The following POLR2F variants were observed in gnomAD, a reference collection of about 807,000 sequenced individuals.
The protein encoded by POLR2F is DNA-directed RNA polymerases I, II, and III subunit RPABC2.
In POLR2F, 12 loss-of-function variants were observed where a neutral mutation model predicts 22.7. That is an observed-to-expected ratio of 0.53 (90% CI 0.34 to 0.86). The LOEUF (loss-of-function observed/expected upper bound fraction) is 0.86, where lower values mean the gene tolerates loss of function less well. Ranked by LOEUF, POLR2F falls within the 40% of genes least tolerant of loss-of-function variation. The pLI, the probability that POLR2F is intolerant of heterozygous loss-of-function variation, is 0.02. For synonymous variants in POLR2F, 57 were observed against 66.0 expected (o/e 0.86, Z 0.66); for missense variants, 126 against 171.5 (o/e 0.73, Z 1.48).
At chr22:37,971,401 A>T, downstream of POLR2F, 1 of 437,036 alleles carries the variant, frequency 2.3e-6, no homozygotes, top group South Asian at 1.7e-5. Context: ...ATAAGCTGTT[A>T]TGAGCTGGGT....
chr22:37,977,433 G>T (rs923579119), intron 4 of POLR2F, among the ~76,000 whole-genome samples: 1 of 151,542 alleles, frequency 6.6e-6, no homozygotes, highest in Non-Finnish European at 1.5e-5. Flanking sequence ...CCATCCTCCT[G>T]CCTCAGCCTC....
intron 1 of POLR2F, among the ~76,000 whole-genome samples, chr22:38,022,834 G>A (rs1164047329): frequency 3.3e-5 from 5 of 151,990 alleles, no homozygotes; most frequent in African/African-American, 7.3e-5. Context: ...CCAACATAGC[G>A]AAACCCTGTC....
chr22:38,041,166 T>A, downstream of POLR2F: 1 of 1,609,886 alleles, frequency 6.2e-7, no homozygotes. Context: ...TGGTGACTAG[T>A]GCTGGTGGTG....
chr22:37,959,423 C>T lies in POLR2F; in HGVS notation c.168C>T (p.Tyr56=). 1 of 1,614,170 alleles carries T rather than the reference C, an allele frequency of 6.2e-7. No homozygotes were observed. Among genetic ancestry groups the T allele is most frequent in the Non-Finnish European group, 8.5e-7 (1 of 1,180,008 alleles). ...ACCAGAAGCGAATCACCACACCATA[C>T]ATGACCAAGTACGAGCGAGCCCGCG... The part of the protein sequence containing the change: ...QANQKRITTP[Y]MTKYERARVL... Residue 56 remains tyrosine (Y), a synonymous_variant, in exon 3 of 5, where the codon TAC becomes TAT. Coordinates refer to ENST00000442738, the MANE Select transcript of POLR2F (RefSeq NM_021974.5).
downstream of POLR2F, chr22:37,971,446 T>A (rs868501232): frequency 5.1e-6 from 2 of 390,238 alleles, no homozygotes; most frequent in Middle Eastern, 7.5e-4. Flanking sequence ...GAGTTGTTCA[T>A]CAGTGGAGCA....
At chr22:37,973,387 C>G (rs1484013731), downstream of POLR2F, 2 of 748,962 alleles carry the variant, frequency 2.7e-6, no homozygotes, top group Non-Finnish European at 4.2e-6. Flanking sequence ...GCCTCTTCAG[C>G]CTCCTCAGCC....
In POLR2F at chr22:37,978,778, C is replaced by T. The variant is rs961701146; in HGVS notation, c.293+11608C>T. Among the ~76,000 whole-genome samples the T allele has an allele frequency of 1.1e-3, 164 of 151,918 alleles. 3 individuals are homozygous for T. Among genetic ancestry groups the T allele is most frequent in the Non-Finnish European group, 3.5e-4 (24 of 67,980 alleles). Reference sequence around the variant, plus strand: ...CCTTGAGGAAGAGGTGCTTTTCTTTCTTTCTTTTTTTTTTCTGTGAGGGAA... The same window carrying T: ...CCTTGAGGAAGAGGTGCTTTTCTTTTTTTCTTTTTTTTTTCTGTGAGGGAA... On this transcript the variant is annotated intron_variant, in intron 4 of 4. Coordinates refer to the POLR2F transcript ENST00000405557. This position sits in a 1 kb window ranked among gnomAD's most constrained non-coding sequence, Gnocchi z 5.0.
intron 1 of POLR2F, among the ~76,000 whole-genome samples, chr22:38,013,275 A>G (rs1029570583): frequency 3.9e-5 from 6 of 152,106 alleles, no homozygotes; most frequent in Non-Finnish European, 5.9e-5. Flanking sequence ...CTTCCTGAGT[A>G]GCTGGGATTA....
chr22:37,965,843 G>A (rs1931832400), intron 3 of POLR2F, among the ~76,000 whole-genome samples: 1 of 152,186 alleles, frequency 6.6e-6, no homozygotes, highest in African/African-American at 2.4e-5. Flanking sequence ...CCAGGAACCT[G>A]TATTTTTTAG....
In POLR2F at chr22:37,978,494, G is replaced by C. The variant is rs1014137124; in HGVS notation, c.293+11324G>C. 6.6e-6 allele frequency among the ~76,000 whole-genome samples: 1 copy of C among 152,228 alleles called. No individual in the cohort carries two copies. Among genetic ancestry groups the C allele is most frequent in the Non-Finnish European group, 1.5e-5 (1 of 68,038 alleles). On this transcript the variant is annotated intron_variant, in intron 4 of 4. Transcript: ENST00000405557. The surrounding 1 kb of genome is among the most constrained non-coding windows in gnomAD (Gnocchi z 5.0). ...GAAAAACTTTCTCATCATCAAAGCT[G>C]TCTGCAAGTGGAATTGGCTACTTCA...
upstream of POLR2F, among the ~76,000 whole-genome samples, chr22:37,985,477 TTCTC>T (rs1027429549): frequency 6.6e-6 from 1 of 152,122 alleles, no homozygotes; most frequent in East Asian, 1.9e-4. Flanking sequence ...TGACACCTTT[TTCTC>T]TCTCTTTCCT....
intron 1 of POLR2F, among the ~76,000 whole-genome samples, chr22:38,005,976 A>G (rs1050253537): frequency 3.9e-5 from 6 of 152,178 alleles, no homozygotes; most frequent in African/African-American, 1.4e-4. Flanking sequence ...TAATCCCAAC[A>G]TTTTGGGAGG....
In POLR2F at chr22:37,960,812, C is replaced by G. The variant is rs530529703; in HGVS notation, c.221+1336C>G. ...CCTCCCAAAATGTTGGGATTACAGG[C>G]GTGAGCCACCGTGCCCGGCCGGTGC... On this transcript the variant is annotated intron_variant, in intron 3 of 4. Coordinates refer to ENST00000442738, the MANE Select transcript of POLR2F (RefSeq NM_021974.5). 1.3e-4 allele frequency among the ~76,000 whole-genome samples: 19 copies of G among 151,198 alleles called. 1 individual carries two copies. In the South Asian group the frequency reaches 3.4e-3, roughly 27 times the overall value.
chr22:38,031,175 C>G (rs541990909), downstream of POLR2F, among the ~76,000 whole-genome samples: 2 of 152,082 alleles, frequency 1.3e-5, no homozygotes, highest in Admixed American at 1.3e-4. The surrounding 1 kb of genome is among the most constrained non-coding windows in gnomAD (Gnocchi z 4.1). Flanking sequence ...GGGTTAAGAG[C>G]GAGAGTTTGG....
chr22:37,967,252 C>G (rs1931892302), intron 4 of POLR2F, 82 bp downstream of exon 4: 1 of 1,596,704 alleles, frequency 6.3e-7, no homozygotes, highest in Admixed American at 1.7e-5. Flanking sequence ...TTTGCTCCCA[C>G]TTGCCTGGCT....
chr22:37,984,391 G>C (rs1385641377), upstream of POLR2F: 1 of 151,680 alleles, frequency 6.6e-6, no homozygotes, highest in Non-Finnish European at 1.5e-5. The surrounding 1 kb of genome is among the most constrained non-coding windows in gnomAD (Gnocchi z 4.4). Flanking sequence ...GTGGAAAACC[G>C]TGTCCCAAGG....
At chr22:37,985,961 C>T, upstream of POLR2F, 2 of 905,172 alleles carry the variant, frequency 2.2e-6, no homozygotes, top group Non-Finnish European at 1.6e-6. Flanking sequence ...GCTTGCTGGC[C>T]TTGGACAATC....
chr22:37,958,034 T>C (rs994761857), intron 2 of POLR2F, among the ~76,000 whole-genome samples: 1 of 152,172 alleles, frequency 6.6e-6, no homozygotes, highest in Non-Finnish European at 1.5e-5. Flanking sequence ...GGTGTCTTGC[T>C]ACGTTGTCTA....
chr22:37,979,547 G>C (rs1037478725), intron 4 of POLR2F, among the ~76,000 whole-genome samples: 13 of 152,072 alleles, frequency 8.5e-5, no homozygotes, highest in Admixed American at 6.6e-4. Context: ...GGGTCTGGGT[G>C]GGGGGTACTG....
Sources: gnomAD v4.1 joint callset for allele counts (sites outside exome capture counted in the v4.1 genomes callset) on GRCh38, gnomAD v4.1.1 for gene constraint, Gnocchi (gnomAD v3.1) non-coding constraint, MANE v1.5 for transcripts, NCBI Gene and HGNC (gene_info 2026-07-23, HGNC 2026-07-21) for gene names.